CSMD1: variants seen among roughly 807,000 people sequenced by gnomAD.
CSMD1 encodes CUB and sushi domain-containing protein 1.
Under a neutral mutation model 417.5 loss-of-function variants are expected in CSMD1, and 213 were observed. The ratio of observed to expected loss-of-function variants is 0.51; its 90% CI spans 0.46 to 0.57. The LOEUF (loss-of-function observed/expected upper bound fraction) is 0.57, where lower values mean the gene tolerates loss of function less well. Among genes scored for constraint, CSMD1 ranks in the 20% least tolerant of loss-of-function variants. CSMD1 has a pLI of 0.00. For synonymous variants in CSMD1, 2,862 were observed against 1,736.8 expected (o/e 1.65, Z -16.11); for missense variants, 6,923 against 4,529.7 (o/e 1.53, Z -15.17).
chr8:3,263,430 A>G (rs1304661190), intron 26 of CSMD1, among the ~76,000 whole-genome samples: 1 of 152,144 alleles, frequency 6.6e-6, no homozygotes, highest in Non-Finnish European at 1.5e-5. Flanking sequence ...TTGTATTCTA[A>G]TTCCCCTATG....
intron 1 of CSMD1, among the ~76,000 whole-genome samples, chr8:4,665,717 A>G (rs1462665402): frequency 2.6e-5 from 4 of 152,204 alleles, no homozygotes; most frequent in Non-Finnish European, 5.9e-5. Flanking sequence ...TGTTCTGAGT[A>G]GTGCTCTATG....
intron 50 of CSMD1, among the ~76,000 whole-genome samples, chr8:3,050,441 T>C (rs1811745408): frequency 6.6e-6 from 1 of 152,186 alleles, no homozygotes; most frequent in South Asian, 2.1e-4. Context: ...ACCTCCAGGC[T>C]GTGTGCAAAA....
intron 1 of CSMD1, among the ~76,000 whole-genome samples, chr8:4,947,355 A>C (rs1808437509): frequency 6.6e-6 from 1 of 152,170 alleles, no homozygotes; most frequent in South Asian, 2.1e-4. Flanking sequence ...TAACTAACCA[A>C]ATTCTCAGCA....
intron 41 of CSMD1, chr8:3,128,683 C>G: frequency 2.9e-6 from 1 of 346,938 alleles, no homozygotes; most frequent in Non-Finnish European, 5.6e-6. Context: ...AGATATGATA[C>G]CCTACAAGAA....
chr8:3,061,598 C>T (rs1563294339), intron 49 of CSMD1, among the ~76,000 whole-genome samples: 1 of 152,108 alleles, frequency 6.6e-6, no homozygotes, highest in Non-Finnish European at 1.5e-5. Context: ...ACATCTTGAG[C>T]TTACACGAAC....
intron 4 of CSMD1, among the ~76,000 whole-genome samples, chr8:4,014,993 T>C (rs1402380954): frequency 6.6e-6 from 1 of 152,208 alleles, no homozygotes; most frequent in African/African-American, 2.4e-5. Context: ...ACAGCAAATA[T>C]GCAAACCACG....
intron 51 of CSMD1, among the ~76,000 whole-genome samples, chr8:3,021,369 G>A (rs1809371880): frequency 6.6e-6 from 1 of 152,180 alleles, no homozygotes; most frequent in African/African-American, 2.4e-5. Flanking sequence ...CATTAATAAA[G>A]ATAGCAGCAA....
At chr8:3,927,726 GA>G (rs1319684082) in intron 5 of CSMD1, among the ~76,000 whole-genome samples, 1 of 151,590 alleles carries the variant, frequency 6.6e-6, no homozygotes, top group African/African-American at 2.4e-5. Context: ...TTGTTAAGCA[GA>G]AAAAAAAGAA....
chr8:3,805,261 C>T (rs1800667075), intron 5 of CSMD1, among the ~76,000 whole-genome samples: 1 of 152,148 alleles, frequency 6.6e-6, no homozygotes, highest in East Asian at 1.9e-4. Flanking sequence ...ACCATTTCTC[C>T]TAGGGCATCA....
At chr8:3,720,229 C>T (rs751090851) in intron 6 of CSMD1, among the ~76,000 whole-genome samples, 8 of 152,204 alleles carry the variant, frequency 5.3e-5, no homozygotes, top group Non-Finnish European at 7.4e-5. Flanking sequence ...AAACATGCCA[C>T]GTCATCTTCA....
intron 5 of CSMD1, among the ~76,000 whole-genome samples, chr8:3,772,728 C>G (rs919058561): frequency 2.0e-5 from 3 of 147,676 alleles, no homozygotes; most frequent in Non-Finnish European, 4.5e-5. Context: ...TATATACACA[C>G]ACATATCAAA....
intron 1 of CSMD1, among the ~76,000 whole-genome samples, chr8:4,937,068 C>A (rs1056184529): frequency 2.2e-4 from 33 of 152,046 alleles, no homozygotes; most frequent in Non-Finnish European, 4.0e-4. Flanking sequence ...AAATAATTAG[C>A]CAGGCATTGT....
intron 3 of CSMD1, among the ~76,000 whole-genome samples, chr8:4,351,415 C>T (rs1430711882): frequency 6.6e-6 from 1 of 152,180 alleles, no homozygotes; most frequent in Non-Finnish European, 1.5e-5. Context: ...GCTGTTATAC[C>T]AAGTAAGGTA....
intron 1 of CSMD1, among the ~76,000 whole-genome samples, chr8:4,906,495 C>T (rs1171277871): frequency 1.3e-5 from 1 of 75,640 alleles, no homozygotes; most frequent in African/African-American, 4.9e-5. Context: ...TACATGATTT[C>T]ACACACTTTG....
intron 11 of CSMD1, among the ~76,000 whole-genome samples, chr8:3,485,526 TAC>T (rs149963962): frequency 1.5e-4 from 21 of 136,164 alleles, no homozygotes; most frequent in East Asian, 1.1e-3. Flanking sequence ...TTCATAACAA[TAC>T]ACACACACAC....
At chr8:4,379,596 A>G (rs1292966490) in intron 3 of CSMD1, among the ~76,000 whole-genome samples, 1 of 152,234 alleles carries the variant, frequency 6.6e-6, no homozygotes, top group Non-Finnish European at 1.5e-5. Flanking sequence ...TAAAAACTGA[A>G]AAATGTTTGC....
chr8:2,964,724 G>A (rs1398557255), intron 59 of CSMD1, among the ~76,000 whole-genome samples: 1 of 152,192 alleles, frequency 6.6e-6, no homozygotes, highest in African/African-American at 2.4e-5. Flanking sequence ...GCAGTATTAA[G>A]AGTTACAATA....
intron 6 of CSMD1, among the ~76,000 whole-genome samples, chr8:3,742,191 A>G (rs1796840567): frequency 6.6e-6 from 1 of 152,138 alleles, no homozygotes; most frequent in South Asian, 2.1e-4. Context: ...CCCACCATTA[A>G]GGAGAAGTGA....
At chr8:4,400,647 A>T (rs545583045) in intron 3 of CSMD1, among the ~76,000 whole-genome samples, 2 of 152,178 alleles carry the variant, frequency 1.3e-5, no homozygotes, top group Non-Finnish European at 2.9e-5. Flanking sequence ...GAAGTCTTTA[A>T]ATTTAATACA....
Sources: allele counts gnomAD v4.1 joint callset (sites outside exome capture counted in the v4.1 genomes callset), GRCh38; gene constraint gnomAD v4.1.1; transcripts MANE v1.5; gene names NCBI Gene and HGNC (gene_info 2026-07-23, HGNC 2026-07-21).